Variants in OPA3 observed in about 807,000 individuals in gnomAD.
The protein encoded by OPA3 is outer mitochondrial membrane lipid metabolism regulator OPA3, also known as optic atrophy 3 protein.
A neutral mutation model predicts 4.0 loss-of-function variants in OPA3; 6 were observed. The observed-to-expected ratio is 1.51, with a 90% CI of 0.83 to 2.99. The LOEUF is 2.99. Ranked by LOEUF, OPA3 falls within the 30% of genes most tolerant of loss-of-function variation. OPA3 has a pLI of 0.00. For synonymous variants in OPA3, 105 were observed against 117.1 expected (o/e 0.90, Z 0.67); for missense variants, 235 against 256.2 (o/e 0.92, Z 0.56).
intron 1 of OPA3, among the ~76,000 whole-genome samples, chr19:45,537,396 CAAAAAAAAAA>C (rs1181396046): frequency 1.4e-4 from 4 of 28,918 alleles, no homozygotes; most frequent in African/African-American, 6.2e-4. Context: ...GACTCTGTCT[CAAAAAAAAAA>C]AAAAAAAAAA....
At chr19:45,559,397 CTTTTTTTT>C (rs71338781) in intron 1 of OPA3, among the ~76,000 whole-genome samples, 2 of 59,928 alleles carry the variant, frequency 3.3e-5, no homozygotes, top group Non-Finnish European at 6.0e-5. Flanking sequence ...CTTTTTCTTT[CTTTTTTTT>C]TTTTTTTTTT....
chr19:45,540,733 G>A (rs1969176590), intron 1 of OPA3, among the ~76,000 whole-genome samples: 1 of 151,802 alleles, frequency 6.6e-6, no homozygotes, highest in Non-Finnish European at 1.5e-5. Flanking sequence ...AACCTGGGAG[G>A]CGGAGAATGC....
At chr19:45,528,978 C>G (rs1418029741) in exon 2 of OPA3, 1 of 1,497,094 alleles carries the variant, frequency 6.7e-7, no homozygotes, top group Non-Finnish European at 9.0e-7. Context: ...CAGGATGGGA[C>G]AGTGCGGAGA....
chr19:45,567,958 C>A (rs1476841914), intron 1 of OPA3, among the ~76,000 whole-genome samples: 1 of 152,076 alleles, frequency 6.6e-6, no homozygotes, highest in Non-Finnish European at 1.5e-5. Flanking sequence ...GGTTGCACTT[C>A]CCCAGATGTG....
intron 1 of OPA3, among the ~76,000 whole-genome samples, chr19:45,575,523 C>T (rs1041965525): frequency 3.9e-5 from 6 of 152,162 alleles, no homozygotes; most frequent in African/African-American, 1.4e-4. Flanking sequence ...ATGACCTCAG[C>T]AACCTGAATG....
In OPA3 at chr19:45,547,503, T is replaced by G. The variant is rs574184134; in HGVS notation, c.*6011A>C. The G allele has an allele frequency of 6.6e-6, 1 of 152,314 alleles. No homozygotes were observed. Among genetic ancestry groups the G allele is most frequent in the Non-Finnish European group, 1.5e-5 (1 of 68,032 alleles). The allele number at this position is 152,314 out of a possible 1,614,324, so 9.4% of individuals were successfully genotyped here. ...CTCTATTCTGACAGCCAGAAACTCT[T>G]GCTGTTCCAGGAACAGGCCAAGGCC... is the stretch of plus-strand genomic sequence containing the variant. On this transcript the variant is annotated 3_prime_UTR_variant, in exon 2 of 2. Coordinates refer to ENST00000263275, the MANE Select transcript of OPA3 (RefSeq NM_025136.4).
chr19:45,551,026 T>A lies in OPA3; in HGVS notation c.*2488A>T, dbSNP rs1969324913. 3 of 901,828 alleles carry A rather than the reference T, an allele frequency of 3.3e-6. No homozygotes were observed. The African/African-American group carries it at 5.4e-5, about 16-fold the overall frequency. The allele number at this position is 901,828 out of a possible 1,614,324, so 55.9% of individuals were successfully genotyped here. A position where few individuals can be genotyped will look rare whatever the true frequency, so the allele number is the denominator to read the frequency against. On this transcript the variant is annotated 3_prime_UTR_variant, in exon 2 of 2. Transcript: ENST00000263275. ...TCCAGGCTGGAGTGTAGTGGCGCGA[T>A]CACGGCTCGCTGCAGCCTCGACCTC... is the stretch of plus-strand genomic sequence containing the variant.
chr19:45,541,217 T>C (rs896901441), intron 1 of OPA3, among the ~76,000 whole-genome samples: 5 of 152,170 alleles, frequency 3.3e-5, no homozygotes, highest in African/African-American at 1.2e-4. Flanking sequence ...AAAAGATGCC[T>C]GCTGCCCCTC....
At chr19:45,580,276 G>A (rs962795209) in intron 1 of OPA3, among the ~76,000 whole-genome samples, 6 of 149,308 alleles carry the variant, frequency 4.0e-5, no homozygotes, top group African/African-American at 9.9e-5. Flanking sequence ...TTACAGGCGC[G>A]AGCCACTGCA....
chr19:45,529,754 AG>A (rs1234053076), intron 1 of OPA3, among the ~76,000 whole-genome samples: 1 of 152,038 alleles, frequency 6.6e-6, no homozygotes, highest in African/African-American at 2.4e-5. Flanking sequence ...TTTTTGAGCC[AG>A]GGTTTCGCTC....
chr19:45,572,684 A>C (rs1235239488), intron 1 of OPA3, among the ~76,000 whole-genome samples: 1 of 130,910 alleles, frequency 7.6e-6, no homozygotes, highest in Non-Finnish European at 1.6e-5. Context: ...ATATATCTAT[A>C]TATATCATAC....
At chr19:45,536,246 T>A (rs200887671) in intron 1 of OPA3, among the ~76,000 whole-genome samples, 1,585 of 112,972 alleles carry the variant, frequency 0.014, 14 homozygotes, top group Non-Finnish European at 0.019. Flanking sequence ...AAAAAAAAAT[T>A]AAAAAAAAAA....
exon 2 of OPA3, chr19:45,527,496 ACTC>A (rs1969005449): frequency 7.0e-6 from 1 of 143,860 alleles, no homozygotes; most frequent in African/African-American, 2.6e-5. Flanking sequence ...GCAGCCTTGA[ACTC>A]CTGGGCTCAA....
intron 1 of OPA3, among the ~76,000 whole-genome samples, chr19:45,571,490 A>G (rs1969666314): frequency 6.6e-6 from 1 of 152,152 alleles, no homozygotes. Flanking sequence ...GTGCATACAT[A>G]TATGCTAGGG....
At chr19:45,543,536 C>T (rs1007931268), downstream of OPA3, among the ~76,000 whole-genome samples, 5 of 152,102 alleles carry the variant, frequency 3.3e-5, no homozygotes, top group Non-Finnish European at 5.9e-5. Flanking sequence ...AGGCTAGTCT[C>T]GAACTCCTGA....
intron 1 of OPA3, among the ~76,000 whole-genome samples, chr19:45,581,509 T>C (rs1285035997): frequency 6.6e-6 from 1 of 152,192 alleles, no homozygotes; most frequent in African/African-American, 2.4e-5. Context: ...CTCTGCCCAC[T>C]GTTGGGGGAT....
At chr19:45,540,650 G>A (rs1466880089) in intron 1 of OPA3, among the ~76,000 whole-genome samples, 1 of 151,276 alleles carries the variant, frequency 6.6e-6, no homozygotes, top group Non-Finnish European at 1.5e-5. Flanking sequence ...CGGATCACCT[G>A]AAGTCAGGTG....
At chr19:45,537,411 A>AAAAAAAAACCAAG (rs1568396406) in intron 1 of OPA3, among the ~76,000 whole-genome samples, 1 of 94,900 alleles carries the variant, frequency 1.1e-5, no homozygotes, top group African/African-American at 4.6e-5. Flanking sequence ...AAAAAAAAAA[A>AAAAAAAAACCAAG]AAAAAAAAAA....
intron 1 of OPA3, among the ~76,000 whole-genome samples, chr19:45,573,820 G>A (rs892022354): frequency 5.3e-5 from 8 of 152,166 alleles, no homozygotes; most frequent in African/African-American, 1.2e-4. Context: ...CTGAGTGCAC[G>A]AAGTCTTTAT....
Sources: allele counts gnomAD v4.1 joint callset (sites outside exome capture counted in the v4.1 genomes callset), GRCh38; gene constraint gnomAD v4.1.1; transcripts MANE v1.5; gene names NCBI Gene and HGNC (gene_info 2026-07-23, HGNC 2026-07-21).